The following KCND2 variants were observed in gnomAD, a reference collection of about 807,000 sequenced individuals.
KCND2 encodes A-type voltage-gated potassium channel KCND2.
KCND2 carries 16 observed loss-of-function variants against 54.4 expected under a neutral mutation model. The observed-to-expected ratio is 0.29, with a 90% confidence interval of 0.20 to 0.45. The LOEUF is 0.45. Ranked by LOEUF, KCND2 falls within the 20% of genes least tolerant of loss-of-function variation. The pLI is 1.00. For missense variants in KCND2, 486 were observed against 824.2 expected, an observed-to-expected ratio of 0.59 and a Z score of 5.02; for synonymous variants, 317 against 310.7, an observed-to-expected ratio of 1.02 and a Z score of -0.21.
chr7:120,514,421 A>C (rs1803166419), intron 1 of KCND2, among the ~76,000 whole-genome samples: 1 of 152,126 alleles, frequency 6.6e-6, no homozygotes, highest in South Asian at 2.1e-4. Context: ...TCTGCATACA[A>C]ACACCCCACA....
intron 1 of KCND2, among the ~76,000 whole-genome samples, chr7:120,395,125 A>C (rs553705767): frequency 6.6e-6 from 1 of 152,112 alleles, no homozygotes; most frequent in Non-Finnish European, 1.5e-5. Context: ...TTTGTATATC[A>C]TTGGAGGTAA....
intron 1 of KCND2, among the ~76,000 whole-genome samples, chr7:120,350,750 C>G (rs1475756988): frequency 6.6e-6 from 1 of 152,186 alleles, no homozygotes; most frequent in African/African-American, 2.4e-5. Flanking sequence ...GGACAGATTT[C>G]TGTTCCCATG....
intron 1 of KCND2, among the ~76,000 whole-genome samples, chr7:120,579,842 C>A (rs2116441402): frequency 6.6e-6 from 1 of 152,062 alleles, no homozygotes; most frequent in Middle Eastern, 3.4e-3. Flanking sequence ...ATCAATTTTT[C>A]TCTGTTAAGT....
intron 1 of KCND2, among the ~76,000 whole-genome samples, chr7:120,387,921 A>G (rs947290393): frequency 6.6e-6 from 1 of 152,074 alleles, no homozygotes; most frequent in Non-Finnish European, 1.5e-5. Flanking sequence ...AAATCAACAT[A>G]AATTTATATA....
Position 120,274,930 on chromosome 7 carries a change from C to G in KCND2, c.298C>G (p.Arg100Gly). The change falls in exon 1 of 6, where the codon CGC becomes GGC. Residue 100 changes from arginine to glycine, a missense_variant. Physicochemically the swap from Arg to Gly is moderately radical, Grantham distance 125. This residue lies in a region of KCND2 where 231 missense variants were observed against 386.0 expected (regional missense o/e 0.60). Coordinates refer to ENST00000331113, the MANE Select transcript of KCND2 (RefSeq NM_012281.3). Reference protein sequence around the residue: ...DIFRHILNFYRTGKLHYPRHE... With the variant: ...DIFRHILNFYGTGKLHYPRHE... The stretch of plus-strand genomic sequence containing the variant: ...CTTCCGCCACATCCTGAATTTCTAC[C>G]GCACTGGGAAGCTCCACTATCCTCG... 6.2e-7 allele frequency: 1 copy of G among 1,614,116 alleles called. No homozygotes were observed. The highest frequency in any genetic ancestry group is 1.1e-5 in the South Asian group (1 of 91,080).
intron 1 of KCND2, among the ~76,000 whole-genome samples, chr7:120,557,108 C>A (rs1460500780): frequency 2.6e-5 from 4 of 152,066 alleles, no homozygotes; most frequent in African/African-American, 9.7e-5. Flanking sequence ...CTTATCAAAA[C>A]ATTTTGTGTG....
intron 1 of KCND2, among the ~76,000 whole-genome samples, chr7:120,627,176 G>T (rs1260198243): frequency 6.6e-6 from 1 of 150,850 alleles, no homozygotes; most frequent in African/African-American, 2.5e-5. Context: ...CATCTGTCAC[G>T]TGTCCAGCAT....
intron 1 of KCND2, among the ~76,000 whole-genome samples, chr7:120,722,082 A>C (rs753415383): frequency 2.0e-5 from 3 of 152,128 alleles, no homozygotes; most frequent in Non-Finnish European, 4.4e-5. Flanking sequence ...AGTCGATTAA[A>C]TCTCCTTCCT....
chr7:120,717,957 C>T lies in KCND2; in HGVS notation c.1116-14946C>T, dbSNP rs1039377383. On this transcript the variant is annotated intron_variant, in intron 1 of 5. Coordinates refer to ENST00000331113, the MANE Select transcript of KCND2 (RefSeq NM_012281.3). ...TCCACACTTAGCACAGTGTTTGGAGCATAATACCTTCTCCTTCTCCCCCCT... is the reference window on the plus strand; with the variant it reads ...TCCACACTTAGCACAGTGTTTGGAGTATAATACCTTCTCCTTCTCCCCCCT... 3.3e-5 allele frequency among the ~76,000 whole-genome samples: 5 copies of T among 152,050 alleles called. No homozygotes were observed. In the East Asian group the frequency reaches 7.7e-4, roughly 23 times the overall value.
chr7:120,499,925 A>G (rs540018874), intron 1 of KCND2, among the ~76,000 whole-genome samples: 2 of 152,256 alleles, frequency 1.3e-5, no homozygotes, highest in Non-Finnish European at 2.9e-5. Context: ...CTTTGGTACC[A>G]CCATTGTCCC....
chr7:120,408,126 C>T (rs751425057), intron 1 of KCND2, among the ~76,000 whole-genome samples: 3 of 151,736 alleles, frequency 2.0e-5, no homozygotes, highest in Non-Finnish European at 4.4e-5. Context: ...TAATTATAAA[C>T]CCATGATGAT....
At chr7:120,613,084 A>T (rs1199607914) in intron 1 of KCND2, among the ~76,000 whole-genome samples, 1 of 144,696 alleles carries the variant, frequency 6.9e-6, no homozygotes, top group East Asian at 2.0e-4. Context: ...GTTTAGCCTA[A>T]TTTTTTTTTT....
chr7:120,696,018 A>C (rs138958367), intron 1 of KCND2, among the ~76,000 whole-genome samples: 4 of 152,326 alleles, frequency 2.6e-5, no homozygotes, highest in African/African-American at 9.6e-5. Flanking sequence ...TTTATTTAAT[A>C]GCTTCAATGG....
upstream of KCND2, among the ~76,000 whole-genome samples, chr7:120,273,101 G>C (rs972255257): frequency 6.6e-6 from 1 of 152,184 alleles, no homozygotes; most frequent in African/African-American, 2.4e-5. Flanking sequence ...GGGTGGCTGG[G>C]GTGGAGCGAG....
At chr7:120,708,633 T>A (rs1413525500) in intron 1 of KCND2, among the ~76,000 whole-genome samples, 2 of 152,152 alleles carry the variant, frequency 1.3e-5, no homozygotes, top group African/African-American at 4.8e-5. Context: ...TTTTCATAGA[T>A]GTCTTGTGAG....
At chr7:120,688,396 A>T (rs1792230071) in intron 1 of KCND2, among the ~76,000 whole-genome samples, 2 of 152,184 alleles carry the variant, frequency 1.3e-5, no homozygotes, top group Admixed American at 1.3e-4. Flanking sequence ...TTTGGATTTC[A>T]TGCCATTTTC....
intron 1 of KCND2, among the ~76,000 whole-genome samples, chr7:120,329,231 C>T (rs1188123996): frequency 6.6e-6 from 1 of 151,054 alleles, no homozygotes; most frequent in Non-Finnish European, 1.5e-5. Flanking sequence ...AAGTGATTCT[C>T]CTATCTCAGC....
At chr7:120,589,628 C>A (rs1792645239) in intron 1 of KCND2, among the ~76,000 whole-genome samples, 1 of 152,010 alleles carries the variant, frequency 6.6e-6, no homozygotes, top group Admixed American at 6.6e-5. Context: ...TTTTAATATA[C>A]CAAATTTGTC....
At chr7:120,727,714 A>T (rs553815219) in intron 1 of KCND2, among the ~76,000 whole-genome samples, 1 of 152,318 alleles carries the variant, frequency 6.6e-6, no homozygotes, top group African/African-American at 2.4e-5. Context: ...TATGAGGAAG[A>T]AAGGGAGCCA....
Sources: allele counts gnomAD v4.1 joint callset (sites outside exome capture counted in the v4.1 genomes callset), GRCh38; gene constraint gnomAD v4.1.1; regional missense constraint gnomAD v4.1.1; transcripts MANE v1.5; gene names NCBI Gene and HGNC (gene_info 2026-07-23, HGNC 2026-07-21).